Variants in NFYC observed in about 807,000 individuals in gnomAD.
NFYC encodes nuclear transcription factor Y subunit gamma.
In NFYC, 25 loss-of-function variants were observed where a neutral mutation model predicts 53.1. The ratio of observed to expected loss-of-function variants is 0.47; its 90% CI spans 0.34 to 0.66. The LOEUF is 0.66. Among genes scored for constraint, NFYC ranks in the 30% least tolerant of loss-of-function variants. The probability of loss-of-function intolerance (pLI) is 0.01; values close to 1 mark genes in which losing one functional copy is unlikely to be tolerated. For missense variants in NFYC, 260 were observed against 422.7 expected (o/e 0.62, Z 3.38); for synonymous variants, 145 against 152.6 (o/e 0.95, Z 0.37).
chr1:40,759,624 G>A (rs1008991379), intron 6 of NFYC, among the ~76,000 whole-genome samples: 2 of 152,106 alleles, frequency 1.3e-5, no homozygotes, highest in East Asian at 1.9e-4. Context: ...ATATGTGTGT[G>A]TATGTATGTA....
At chr1:40,727,151 T>A (rs969683618) in intron 1 of NFYC, among the ~76,000 whole-genome samples, 1 of 152,236 alleles carries the variant, frequency 6.6e-6, no homozygotes, top group African/African-American at 2.4e-5. Context: ...TTCAGACTCC[T>A]GTTAATGTTT....
chr1:40,700,546 A>G (rs910370639), intron 1 of NFYC, among the ~76,000 whole-genome samples: 11 of 151,868 alleles, frequency 7.2e-5, no homozygotes, highest in African/African-American at 1.7e-4. Flanking sequence ...AGGTCTTGCT[A>G]TGTTGTCCAG....
chr1:40,703,642 T>A (rs1188913920), intron 1 of NFYC, among the ~76,000 whole-genome samples: 1 of 152,192 alleles, frequency 6.6e-6, no homozygotes, highest in Non-Finnish European at 1.5e-5. Flanking sequence ...ACACTGTGGC[T>A]AAAATCGGAT....
chr1:40,734,836 C>T (rs2148575102), intron 1 of NFYC: 1 of 152,302 alleles, frequency 6.6e-6, no homozygotes, highest in East Asian at 1.9e-4. Flanking sequence ...TGTTAGAAAA[C>T]ATGCTTCAAA....
At chr1:40,730,195 C>CTTTTTTT (rs34045698) in intron 1 of NFYC, among the ~76,000 whole-genome samples, 18 of 102,012 alleles carry the variant, frequency 1.8e-4, no homozygotes, top group Non-Finnish European at 2.7e-4. Flanking sequence ...TCTTTCTTTT[C>CTTTTTTT]TTTTTTTTTT....
chr1:40,767,609 C>G (rs1461171910), intron 8 of NFYC, among the ~76,000 whole-genome samples: 1 of 152,142 alleles, frequency 6.6e-6, no homozygotes, highest in Non-Finnish European at 1.5e-5. Context: ...TCATAAGATT[C>G]TTCCCTGGGA....
intron 3 of NFYC, 128 bp downstream of exon 3, chr1:40,747,733 AT>A (rs1465410366): frequency 1.5e-6 from 1 of 671,500 alleles, no homozygotes. Flanking sequence ...TTGCTTTGTT[AT>A]TTGGTTCCTG....
intron 5 of NFYC, among the ~76,000 whole-genome samples, chr1:40,754,117 A>G (rs1646073549): frequency 6.6e-6 from 1 of 152,032 alleles, no homozygotes; most frequent in Non-Finnish European, 1.5e-5. Context: ...TTTGTTATAT[A>G]AAACTTTATT....
At chr1:40,702,045 T>A (rs1182485672) in intron 1 of NFYC, among the ~76,000 whole-genome samples, 2 of 152,156 alleles carry the variant, frequency 1.3e-5, no homozygotes, top group African/African-American at 4.8e-5. Context: ...AACAACCCCA[T>A]CCATAGCTTC....
At chr1:40,708,686 C>T (rs1057389760) in intron 1 of NFYC, among the ~76,000 whole-genome samples, 23 of 152,172 alleles carry the variant, frequency 1.5e-4, no homozygotes, top group Admixed American at 1.4e-3. Context: ...CTTTAAAGTG[C>T]CACTAACATA....
chr1:40,712,442 G>A (rs1643960331), intron 1 of NFYC: 1 of 152,094 alleles, frequency 6.6e-6, no homozygotes, highest in Non-Finnish European at 1.5e-5. Context: ...TGTTCCATTT[G>A]CATTATGAGA....
In NFYC at chr1:40,737,901, C is replaced by CT. The variant is rs530348029; in HGVS notation, c.-8-916dup. On this transcript the variant is annotated intron_variant, in intron 1 of 9. Transcript: ENST00000447388. ...AGAAGAAACTTAGCGTGCTCTCTCT[C>CT]TTTTTTTTTTTTTTTTTTTGAGACG... Among the ~76,000 whole-genome samples the CT allele has an allele frequency of 4.2e-3, 511 of 123,128 alleles. 2 individuals carry two copies. Among genetic ancestry groups the CT allele is most frequent in the East Asian group, 0.018 (78 of 4,272 alleles). 80.8% of individuals were successfully genotyped at this position (123,128 alleles called of 152,430 possible).
intron 1 of NFYC, among the ~76,000 whole-genome samples, chr1:40,736,820 CAAAA>C (rs71060396): frequency 1.6e-5 from 1 of 63,670 alleles, no homozygotes; most frequent in Admixed American, 2.1e-4. Flanking sequence ...AAACTTATTC[CAAAA>C]AAAAAAAAAA....
At chr1:40,691,924 GA>G (rs1642820420) in intron 1 of NFYC, 57 bp downstream of exon 1, 1 of 340,448 alleles carries the variant, frequency 2.9e-6, no homozygotes, top group Non-Finnish European at 5.8e-6. Flanking sequence ...GCGGCGGGGG[GA>G]GGGGCAGCGC....
intron 1 of NFYC, among the ~76,000 whole-genome samples, chr1:40,715,548 T>G (rs1014837295): frequency 6.6e-6 from 1 of 152,128 alleles, no homozygotes; most frequent in Non-Finnish European, 1.5e-5. Flanking sequence ...CTGGCTAGTT[T>G]TCTTTTTAAT....
At chr1:40,725,332 A>G (rs1414626086) in intron 1 of NFYC, among the ~76,000 whole-genome samples, 2 of 152,220 alleles carry the variant, frequency 1.3e-5, no homozygotes, top group Non-Finnish European at 2.9e-5. Context: ...GAATGTGTTC[A>G]GTATACATCA....
chr1:40,713,931 C>A (rs1644029016), intron 1 of NFYC, among the ~76,000 whole-genome samples: 4 of 152,198 alleles, frequency 2.6e-5, no homozygotes, highest in Admixed American at 2.6e-4. Context: ...AAGTCTGCTG[C>A]AGCAGATTTA....
rs71060396 is a variant in NFYC at position 40,736,820 on chromosome 1, C to CAAAA, written c.-8-1995_-8-1992dup. Among the ~76,000 whole-genome samples the CAAAA allele has an allele frequency of 1.2e-3, 76 of 63,654 alleles. 1 individual carries two copies. The highest frequency in any genetic ancestry group is 4.2e-3 in the African/African-American group (68 of 16,202). The allele number at this position is 63,654 out of a possible 152,430, so 41.8% of individuals were successfully genotyped here. On this transcript the variant is annotated intron_variant, in intron 1 of 9. Coordinates refer to ENST00000447388, the MANE Select transcript of NFYC (RefSeq NM_014223.5). The stretch of plus-strand genomic sequence containing the variant: ...CAGTAAGTATAATGCAAACTTATTC[C>CAAAA]AAAAAAAAAAAAAAAAAAAAAAAAG...
At chr1:40,707,114 G>T (rs1479076294) in intron 1 of NFYC, among the ~76,000 whole-genome samples, 1 of 151,558 alleles carries the variant, frequency 6.6e-6, no homozygotes, top group Non-Finnish European at 1.5e-5. Context: ...AGGTTGCTGC[G>T]AGCTGAGATC....
Sources: gnomAD v4.1 joint callset for allele counts (sites outside exome capture counted in the v4.1 genomes callset) on GRCh38, gnomAD v4.1.1 for gene constraint, MANE v1.5 for transcripts, NCBI Gene and HGNC (gene_info 2026-07-23, HGNC 2026-07-21) for gene names.